Variants in POF1B observed in about 807,000 individuals in gnomAD.
The protein encoded by POF1B is protein POF1B.
A neutral mutation model predicts 55.3 loss-of-function variants in POF1B; 53 were observed. The observed-to-expected ratio is 0.96, with a 90% CI of 0.77 to 1.20. POF1B has a LOEUF of 1.20. Among genes scored for constraint, POF1B ranks in the 50% most tolerant of loss-of-function variants. The pLI, the probability that POF1B is intolerant of heterozygous loss-of-function variation, is 0.00. For synonymous variants in POF1B, 188 were observed against 148.3 expected (o/e 1.27, Z -1.95); for missense variants, 478 against 420.5 (o/e 1.14, Z -1.20).
chrX:85,364,201 A>G (rs1195592894), intron 3 of POF1B, among the ~76,000 whole-genome samples: 1 of 111,026 alleles, frequency 9.0e-6, no homozygotes, highest in African/African-American at 3.3e-5. Flanking sequence ...TTCTTCATCC[A>G]GCTTGCCATT....
intron 7 of POF1B, among the ~76,000 whole-genome samples, chrX:85,327,766 G>T (rs1351607928): frequency 8.9e-6 from 1 of 112,267 alleles, no homozygotes; most frequent in Admixed American, 9.5e-5. Context: ...GCATTTAAAA[G>T]ATACTAATCC....
chrX:85,288,531 C>A (rs1219820375), intron 15 of POF1B, among the ~76,000 whole-genome samples: 3 of 111,461 alleles, frequency 2.7e-5, no homozygotes, highest in Non-Finnish European at 3.8e-5. Context: ...CACAGGGATT[C>A]TTCCCAGGTT....
chrX:85,355,066 G>T (rs1227145076), intron 4 of POF1B, among the ~76,000 whole-genome samples: 1 of 111,277 alleles, frequency 9.0e-6, no homozygotes, highest in Non-Finnish European at 1.9e-5. Context: ...TATACTACAA[G>T]GCTACAGTAA....
chrX:85,340,631 T>G (rs7057185), intron 6 of POF1B, among the ~76,000 whole-genome samples: 11,484 of 110,114 alleles, frequency 0.1, 1,429 homozygotes, highest in African/African-American at 0.35. Context: ...ACTGATGTGG[T>G]TGGTGAAGTT....
chrX:85,338,138 T>G (rs1193388474), intron 6 of POF1B, among the ~76,000 whole-genome samples: 1 of 111,241 alleles, frequency 9.0e-6, no homozygotes, highest in African/African-American at 3.3e-5. Context: ...GATAAAAATA[T>G]TTTTATCACC....
At chrX:85,302,493 T>C (rs1183800589) in intron 15 of POF1B, among the ~76,000 whole-genome samples, 1 of 111,165 alleles carries the variant, frequency 9.0e-6, no homozygotes, top group Non-Finnish European at 1.9e-5. Flanking sequence ...ACTAGGAATG[T>C]ATGATGGTGC....
At chrX:85,378,321 T>A (rs1269811564) in intron 2 of POF1B, among the ~76,000 whole-genome samples, 1 of 111,753 alleles carries the variant, frequency 8.9e-6, no homozygotes, top group Non-Finnish European at 1.9e-5. Flanking sequence ...TGGACAGAAT[T>A]TTCCAGAAAG....
chrX:85,344,514 T>A (rs1374406771), intron 6 of POF1B, among the ~76,000 whole-genome samples: 1 of 111,190 alleles, frequency 9.0e-6, no homozygotes, highest in East Asian at 2.9e-4. Flanking sequence ...CCTGCCACTT[T>A]CCCCTATTAG....
At chrX:85,341,158 T>C (rs1444490421) in intron 6 of POF1B, among the ~76,000 whole-genome samples, 7 of 111,083 alleles carry the variant, frequency 6.3e-5, no homozygotes, top group African/African-American at 1.3e-4. Flanking sequence ...AATCAAGACA[T>C]AGCAGCATAA....
intron 15 of POF1B, among the ~76,000 whole-genome samples, chrX:85,303,200 A>G (rs1482068587): frequency 9.0e-6 from 1 of 111,206 alleles, no homozygotes; most frequent in Non-Finnish European, 1.9e-5. Context: ...GGTAATTAAT[A>G]TATTGTAAAT....
chrX:85,307,187 C>G lies in POF1B; in HGVS notation c.1140G>C (p.Val380=), dbSNP rs1932592346. The G allele has an allele frequency of 2.5e-6, 3 of 1,205,698 alleles. No homozygotes were observed. The highest frequency in any genetic ancestry group is 3.4e-6 in the Non-Finnish European group (3 of 891,861). The change falls in exon 11 of 17, where the codon GTG becomes GTC. Residue 380 remains valine (V), a synonymous_variant. Transcript: ENST00000262753. ...CCTGCTGCTGGTGATTATTTGCTCT[C>G]ACTGATGCCAAGAGTTCTTCGTACT... ...LKEYEELLAS[V]RANNHQQQQG...
chrX:85,327,926 T>C (rs971709453), intron 7 of POF1B, among the ~76,000 whole-genome samples: 7 of 111,690 alleles, frequency 6.3e-5, no homozygotes, highest in Admixed American at 9.5e-5. Context: ...AATGGTTTCA[T>C]GTGACAAACT....
intron 15 of POF1B, among the ~76,000 whole-genome samples, chrX:85,297,211 T>C (rs1932327490): frequency 8.9e-6 from 1 of 112,219 alleles, no homozygotes; most frequent in African/African-American, 3.2e-5. Flanking sequence ...TTCTGAACTT[T>C]ATGGCTTTCA....
At position 85,322,241 on chromosome X, in the gene POF1B, G is replaced by C. The variant is rs1330100656; in HGVS notation, c.855-6507C>G. 7.2e-5 allele frequency among the ~76,000 whole-genome samples: 8 copies of C among 110,421 alleles called. No homozygotes were observed. In the East Asian group the frequency reaches 2.0e-3, roughly 28 times the overall value. The stretch of plus-strand genomic sequence containing the variant: ...AAACAGCATGGTACCGGTACCAAAA[G>C]AGAGATATAGATCAATGGAACAGAA... On this transcript the variant is annotated intron_variant, in intron 7 of 16. Transcript: ENST00000262753.
chrX:85,291,005 T>C (rs1190152513), intron 15 of POF1B, among the ~76,000 whole-genome samples: 4 of 112,346 alleles, frequency 3.6e-5, no homozygotes, highest in Non-Finnish European at 5.6e-5. Flanking sequence ...ATTAAATCTT[T>C]GTCCATGCCT....
At chrX:85,320,596 C>G (rs1249203319) in intron 7 of POF1B, among the ~76,000 whole-genome samples, 1 of 111,110 alleles carries the variant, frequency 9.0e-6, no homozygotes, top group Non-Finnish European at 1.9e-5. Flanking sequence ...AAAATCAGAG[C>G]AGAACTGAAG....
chrX:85,323,843 T>C (rs111845480), intron 7 of POF1B, among the ~76,000 whole-genome samples: 2,955 of 110,908 alleles, frequency 0.027, 101 homozygotes, highest in African/African-American at 0.092. Flanking sequence ...CTTTTTGATA[T>C]GGGAGGTTAG....
rs187548354 is a variant in POF1B, at chrX:85,336,146, T to C, written c.724-5067A>G. Among the ~76,000 whole-genome samples, 679 of 111,211 alleles carry C rather than the reference T, an allele frequency of 6.1e-3. 5 individuals are homozygous for C. The highest frequency in any genetic ancestry group is 0.021 in the African/African-American group (646 of 30,686). ...GCCTGGCTTATTTCACTTACTATAA[T>C]GTCCTCCTTTTCCACCCATGTTATT... On this transcript the variant is annotated intron_variant, in intron 6 of 16. Coordinates refer to ENST00000262753, the MANE Select transcript of POF1B (RefSeq NM_024921.4).
intron 9 of POF1B, among the ~76,000 whole-genome samples, chrX:85,313,979 G>A (rs188337753): frequency 4.2e-4 from 47 of 110,775 alleles, no homozygotes; most frequent in African/African-American, 1.5e-3. Context: ...TGGTTTATTT[G>A]CGTAGATGTG....
Sources: gnomAD v4.1 joint callset for allele counts (sites outside exome capture counted in the v4.1 genomes callset) on GRCh38, gnomAD v4.1.1 for gene constraint, MANE v1.5 for transcripts, NCBI Gene and HGNC (gene_info 2026-07-23, HGNC 2026-07-21) for gene names.